EPM2A: variants seen among roughly 807,000 people sequenced by gnomAD.
EPM2A encodes the protein laforin.
A neutral mutation model predicts 26.5 loss-of-function variants in EPM2A; 21 were observed. That is an observed-to-expected ratio of 0.79 (90% confidence interval 0.56 to 1.14). The LOEUF (loss-of-function observed/expected upper bound fraction) is 1.14. EPM2A is among the 50% of genes most tolerant of loss of function. The pLI, the probability that EPM2A is intolerant of heterozygous loss-of-function variation, is 0.00. For synonymous variants in EPM2A, 217 were observed against 177.6 expected (o/e 1.22, Z -1.76); for missense variants, 458 against 440.8 (o/e 1.04, Z -0.35).
chr6:145,466,689 C>A (rs548765943), intron 4 of EPM2A, among the ~76,000 whole-genome samples: 1 of 152,248 alleles, frequency 6.6e-6, no homozygotes, highest in East Asian at 1.9e-4. Context: ...AAGACACATG[C>A]ACAGGTATGT....
At chr6:145,417,406 T>A (rs1778723517) in intron 4 of EPM2A, among the ~76,000 whole-genome samples, 1 of 152,186 alleles carries the variant, frequency 6.6e-6, no homozygotes, top group Non-Finnish European at 1.5e-5. Context: ...GTTTGTCACT[T>A]TTCTTCCATT....
At chr6:145,491,693 C>A in intron 4 of EPM2A, 1 of 448,160 alleles carries the variant, frequency 2.2e-6, no homozygotes, top group Admixed American at 2.6e-5. Context: ...GGGACCCTTG[C>A]CGGGGACCTG....
At position 145,388,933 on chromosome 6, in the gene EPM2A, T is replaced by C. The variant is rs926835519; in HGVS notation, c.556-4836A>G. On this transcript the variant is annotated intron_variant, in intron 4 of 4. Transcript: ENST00000638717. ...TGTCATTGATGGGCTTTTGGGTTGG[T>C]TCCAAGTCTTTGCTATTGTAAACAG... 5.3e-4 allele frequency among the ~76,000 whole-genome samples: 80 copies of C among 152,086 alleles called. 1 individual carries two copies. The highest frequency in any genetic ancestry group is 1.2e-4 in the Non-Finnish European group (8 of 68,040).
rs1778337540 is a variant in EPM2A, at chr6:145,391,578, A to G, written c.556-7481T>C. On this transcript the variant is annotated intron_variant, in intron 4 of 4. Transcript: ENST00000638717. Reference sequence around the variant, plus strand: ...TGTAATCTGTTAAATATGGGTACTCAGCCAACCCATTCAGCATAAATTATT... The same window carrying G: ...TGTAATCTGTTAAATATGGGTACTCGGCCAACCCATTCAGCATAAATTATT... Among the ~76,000 whole-genome samples, 3 of 152,174 alleles carry G rather than the reference A, an allele frequency of 2.0e-5. No homozygotes were observed. The South Asian group carries it at 6.2e-4, about 32-fold the overall frequency.
intron 4 of EPM2A, chr6:145,490,589 A>T: frequency 1.5e-6 from 1 of 686,020 alleles, no homozygotes; most frequent in South Asian, 1.4e-5. Context: ...AGATGGTAAC[A>T]ATTTAGGTGC....
chr6:145,448,267 C>T (rs1001082019), intron 4 of EPM2A, among the ~76,000 whole-genome samples: 3 of 152,076 alleles, frequency 2.0e-5, no homozygotes, highest in Non-Finnish European at 4.4e-5. Flanking sequence ...CATTGGTTTT[C>T]ATGCTCAATA....
chr6:145,595,833 T>C (rs1416290896), intron 2 of EPM2A, among the ~76,000 whole-genome samples: 1 of 152,160 alleles, frequency 6.6e-6, no homozygotes, highest in African/African-American at 2.4e-5. Flanking sequence ...CATTTTCTTA[T>C]CTTTAATGTC....
At chr6:145,530,966 CTTTCCT>C (rs1356857741) in intron 2 of EPM2A, among the ~76,000 whole-genome samples, 1 of 152,168 alleles carries the variant, frequency 6.6e-6, no homozygotes, top group East Asian at 1.9e-4. Flanking sequence ...ATAACTAAAT[CTTTCCT>C]TGATCCCACA....
intron 4 of EPM2A, among the ~76,000 whole-genome samples, chr6:145,442,274 A>G (rs1433627918): frequency 6.6e-6 from 1 of 152,094 alleles, no homozygotes; most frequent in African/African-American, 2.4e-5. Context: ...CTATATCTTC[A>G]TATATCTTTT....
At chr6:145,495,186 T>C (rs184700491) in intron 4 of EPM2A, among the ~76,000 whole-genome samples, 4 of 152,328 alleles carry the variant, frequency 2.6e-5, no homozygotes, top group African/African-American at 7.2e-5. Context: ...GGTACATATA[T>C]GTTTAGGATA....
chr6:145,421,507 A>T (rs1307406843), intron 4 of EPM2A, among the ~76,000 whole-genome samples: 1 of 152,084 alleles, frequency 6.6e-6, no homozygotes, highest in Non-Finnish European at 1.5e-5. Context: ...ATTTCTGTGG[A>T]TGTTTAATTT....
At chr6:145,505,518 A>G (rs951838263) in intron 2 of EPM2A, among the ~76,000 whole-genome samples, 1 of 151,968 alleles carries the variant, frequency 6.6e-6, no homozygotes, top group African/African-American at 2.4e-5. Flanking sequence ...ATATTTTAAA[A>G]TTAAGATGTT....
At chr6:145,424,961 T>C (rs1778833409) in intron 4 of EPM2A, among the ~76,000 whole-genome samples, 1 of 127,074 alleles carries the variant, frequency 7.9e-6, no homozygotes, top group African/African-American at 3.0e-5. Flanking sequence ...CTATATTAGA[T>C]ATATAGACAT....
intron 3 of EPM2A, chr6:145,632,445 G>C (rs1364398997): frequency 6.6e-6 from 1 of 152,098 alleles, no homozygotes; most frequent in Non-Finnish European, 1.5e-5. Flanking sequence ...GAGCAGATTT[G>C]TTTCATTTTG....
chr6:145,393,042 A>G (rs975234502), intron 4 of EPM2A, among the ~76,000 whole-genome samples: 1 of 152,128 alleles, frequency 6.6e-6, no homozygotes, highest in African/African-American at 2.4e-5. Flanking sequence ...TTAAATGATG[A>G]TAATGCCAAG....
chr6:145,529,617 TA>T (rs1393607707), intron 2 of EPM2A, among the ~76,000 whole-genome samples: 2 of 152,250 alleles, frequency 1.3e-5, no homozygotes, highest in African/African-American at 4.8e-5. Flanking sequence ...TACACACTGG[TA>T]AACCAAAAAC....
rs149271131 is a variant in EPM2A at position 145,493,610 on chromosome 6, C to T, written c.555+8912G>A. Among the ~76,000 whole-genome samples the T allele has an allele frequency of 2.0e-3, 312 of 152,254 alleles. 4 individuals carry two copies. The highest frequency in any genetic ancestry group is 0.014 in the East Asian group (75 of 5,178). On this transcript the variant is annotated intron_variant, in intron 4 of 4. Coordinates refer to the EPM2A transcript ENST00000638717. ...TATAGCTTTTGCCCATTCAGTGTGA[C>T]GTTGGCTGTCGGTTTGTCATATATG...
intron 2 of EPM2A, among the ~76,000 whole-genome samples, chr6:145,554,873 C>T (rs1011096765): frequency 1.8e-4 from 27 of 152,042 alleles, no homozygotes; most frequent in Non-Finnish European, 2.1e-4. Context: ...CTGTTGGAAA[C>T]TGATTGTGCA....
chr6:145,562,363 GAA>G (rs1177041663), intron 2 of EPM2A, among the ~76,000 whole-genome samples: 1 of 150,532 alleles, frequency 6.6e-6, no homozygotes, highest in Non-Finnish European at 1.5e-5. Flanking sequence ...CACCAAAAAA[GAA>G]AAAAAAAGAT....
Sources: allele counts gnomAD v4.1 joint callset (sites outside exome capture counted in the v4.1 genomes callset), GRCh38; gene constraint gnomAD v4.1.1; transcripts MANE v1.5; gene names NCBI Gene and HGNC (gene_info 2026-07-23, HGNC 2026-07-21).